The following SLC25A32 variants were observed in gnomAD, a reference collection of about 807,000 sequenced individuals.
SLC25A32 encodes solute carrier family 25 member 32, also known as Glycine auxotroph B, complementation of hamster.
SLC25A32 carries 32 observed loss-of-function variants against 39.0 expected under a neutral mutation model. The observed-to-expected ratio is 0.82, with a 90% confidence interval of 0.62 to 1.10. The LOEUF (loss-of-function observed/expected upper bound fraction) is 1.10. Ranked by LOEUF, SLC25A32 falls within the 50% of genes least tolerant of loss-of-function variation. SLC25A32 has a pLI of 0.00. For synonymous variants in SLC25A32, 166 were observed against 152.4 expected, an observed-to-expected ratio of 1.09 and a Z score of -0.66; for missense variants, 367 against 395.3, an observed-to-expected ratio of 0.93 and a Z score of 0.61.
intron 3 of SLC25A32, among the ~76,000 whole-genome samples, chr8:103,404,281 C>A (rs1259199247): frequency 6.6e-6 from 1 of 152,132 alleles, no homozygotes; most frequent in Non-Finnish European, 1.5e-5. Context: ...ACAGAGTAAT[C>A]ATAATAATTT....
chr8:103,414,414 G>A (rs1360353585), intron 1 of SLC25A32, among the ~76,000 whole-genome samples: 1 of 152,150 alleles, frequency 6.6e-6, no homozygotes, highest in Non-Finnish European at 1.5e-5. Context: ...CAAACCACGT[G>A]GGTATGCTAA....
chr8:103,409,439 C>CT (rs1308610718), intron 1 of SLC25A32, among the ~76,000 whole-genome samples: 1,529 of 145,626 alleles, frequency 0.01, 20 homozygotes, highest in African/African-American at 0.033. Flanking sequence ...CCTATGAATT[C>CT]TTTTTTTTTT....
At position 103,400,544 on chromosome 8, in the gene SLC25A32, T is replaced by C; in HGVS notation, c.815A>G (p.Lys272Arg). The stretch of plus-strand genomic sequence containing the variant: ...CTTGTAAAATCCACCGACGCCTTCT[T>C]TCCTTTAGAGGGAAAAATAGATAAT... Reference protein sequence around the residue: ...VIDVITKTWRKEGVGGFYKGI... With the variant: ...VIDVITKTWRREGVGGFYKGI... Residue 272 changes from lysine to arginine, a missense_variant and splice_region_variant, in exon 7 of 7, where the codon AAA becomes AGA. Physicochemically the swap from Lys to Arg is conservative, Grantham distance 26. Coordinates refer to ENST00000297578, the MANE Select transcript of SLC25A32 (RefSeq NM_030780.5). 6.2e-7 allele frequency: 1 copy of C among 1,613,812 alleles called. No homozygotes were observed. Among genetic ancestry groups the C allele is most frequent in the Non-Finnish European group, 8.5e-7 (1 of 1,179,904 alleles).
intron 1 of SLC25A32, among the ~76,000 whole-genome samples, chr8:103,410,315 A>G (rs769086219): frequency 4.6e-5 from 7 of 152,218 alleles, no homozygotes; most frequent in Non-Finnish European, 5.9e-5. Flanking sequence ...TGGGTCACAC[A>G]GCAGCAGGTG....
intron 1 of SLC25A32, among the ~76,000 whole-genome samples, chr8:103,412,246 T>C (rs988237205): frequency 6.6e-6 from 1 of 152,344 alleles, no homozygotes; most frequent in East Asian, 1.9e-4. Context: ...TTACTGAATT[T>C]TACGTTTTGG....
chr8:103,401,746 T>C (rs1816223676), intron 5 of SLC25A32, 85 bp from the exon 6 acceptor site: 1 of 1,224,020 alleles, frequency 8.2e-7, no homozygotes, highest in African/African-American at 1.5e-5. Flanking sequence ...AAAAAACATT[T>C]AAATGGATCT....
At chr8:103,414,677 AACG>A (rs1263334958) in intron 1 of SLC25A32, 104 bp downstream of exon 1, 48 of 465,828 alleles carry the variant, frequency 1.0e-4, no homozygotes, top group Non-Finnish European at 1.3e-4. Flanking sequence ...CGCGGACAGC[AACG>A]CTCCCTTCAA....
chr8:103,410,828 C>A (rs1341548352), intron 1 of SLC25A32, among the ~76,000 whole-genome samples: 6 of 152,150 alleles, frequency 3.9e-5, no homozygotes, highest in Non-Finnish European at 8.8e-5. Context: ...AATTCATTTT[C>A]AAAGAAAGAC....
rs1390998929 is a variant in SLC25A32 at position 103,400,156 on chromosome 8, C to T, written c.*255G>A. 1 of 462,342 alleles carries T rather than the reference C, an allele frequency of 2.2e-6. No homozygotes were observed. Among genetic ancestry groups the T allele is most frequent in the East Asian group, 4.0e-5 (1 of 24,694 alleles). 28.6% of individuals were successfully genotyped at this position (462,342 alleles called of 1,614,324 possible). A position where few individuals can be genotyped will look rare whatever the true frequency, so the allele number is the denominator to read the frequency against. On this transcript the variant is annotated 3_prime_UTR_variant, in exon 7 of 7. Transcript: ENST00000297578. ...ATAAAACGTAGAAATCTGTGAAACT[C>T]TATCCTTCGTGTCAGTTTTAACATT...
chr8:103,411,376 C>G (rs181653465), intron 1 of SLC25A32, among the ~76,000 whole-genome samples: 122 of 152,178 alleles, frequency 8.0e-4, no homozygotes, highest in Admixed American at 2.0e-3. Context: ...GCCCCCTTAT[C>G]AGGTAAGTGT....
intron 1 of SLC25A32, among the ~76,000 whole-genome samples, chr8:103,411,298 T>G (rs1816458052): frequency 6.6e-6 from 1 of 152,188 alleles, no homozygotes; most frequent in African/African-American, 2.4e-5. Context: ...TTCCTTGATT[T>G]CAGTTCTTTC....
chr8:103,411,968 C>G (rs558242917), intron 1 of SLC25A32, among the ~76,000 whole-genome samples: 1 of 152,318 alleles, frequency 6.6e-6, no homozygotes, highest in African/African-American at 2.4e-5. Flanking sequence ...GTTACGGAAA[C>G]AGACTTTCTG....
intron 4 of SLC25A32, 35 bp from the exon 5 acceptor site, chr8:103,402,089 A>C: frequency 2.8e-6 from 4 of 1,406,242 alleles, no homozygotes; most frequent in Non-Finnish European, 4.0e-6. Flanking sequence ...GCAAAACAAC[A>C]TACGTTTGAA....
chr8:103,412,618 G>C (rs1420520874), intron 1 of SLC25A32, among the ~76,000 whole-genome samples: 1 of 152,056 alleles, frequency 6.6e-6, no homozygotes, highest in African/African-American at 2.4e-5. Flanking sequence ...CTGACCTTAG[G>C]ATCAACCCAC....
chr8:103,406,080 T>TAC (rs754919068), intron 2 of SLC25A32, among the ~76,000 whole-genome samples: 1 of 134,546 alleles, frequency 7.4e-6, no homozygotes, highest in Non-Finnish European at 1.7e-5. Flanking sequence ...TATATATATA[T>TAC]ACACACACAC....
At chr8:103,410,961 T>A (rs1312721457) in intron 1 of SLC25A32, among the ~76,000 whole-genome samples, 1 of 152,200 alleles carries the variant, frequency 6.6e-6, no homozygotes, top group Non-Finnish European at 1.5e-5. Flanking sequence ...CTTAATAAAA[T>A]TAATCTCCCC....
At chr8:103,409,470 C>G (rs1816414895) in intron 1 of SLC25A32, among the ~76,000 whole-genome samples, 1 of 151,930 alleles carries the variant, frequency 6.6e-6, no homozygotes, top group South Asian at 2.1e-4. Context: ...AAAAAGTCCT[C>G]TAAACAACAT....
At chr8:103,409,655 T>A (rs1231835646) in intron 1 of SLC25A32, among the ~76,000 whole-genome samples, 2 of 152,194 alleles carry the variant, frequency 1.3e-5, no homozygotes, top group African/African-American at 4.8e-5. Flanking sequence ...TGGTTCACTG[T>A]CCCCTTGCCA....
Position 103,400,335 on chromosome 8 carries a change from T to C in SLC25A32, c.*76A>G. On this transcript the variant is annotated 3_prime_UTR_variant, in exon 7 of 7. Transcript: ENST00000297578. Reference sequence around the variant, plus strand: ...ATATGAGCCATGTTTCTATGCAGAATTCTTCTTTTATGCCTTAAACACAAA... The same window carrying C: ...ATATGAGCCATGTTTCTATGCAGAACTCTTCTTTTATGCCTTAAACACAAA... 6.5e-7 allele frequency: 1 copy of C among 1,532,788 alleles called. No homozygotes were observed. 94.9% of individuals were successfully genotyped at this position (1,532,788 alleles called of 1,614,324 possible).
Sources: allele counts gnomAD v4.1 joint callset (sites outside exome capture counted in the v4.1 genomes callset), GRCh38; gene constraint gnomAD v4.1.1; transcripts MANE v1.5; gene names NCBI Gene and HGNC (gene_info 2026-07-23, HGNC 2026-07-21).